The following MIS18BP1 variants were observed in gnomAD, a reference collection of about 807,000 sequenced individuals.
MIS18BP1 encodes the protein mis18-binding protein 1.
MIS18BP1 carries 72 observed loss-of-function variants against 116.1 expected under a neutral mutation model. That is an observed-to-expected ratio of 0.62 (90% confidence interval 0.51 to 0.75). The LOEUF is 0.75. Among genes scored for constraint, MIS18BP1 ranks in the 30% least tolerant of loss-of-function variants. The pLI, the probability that MIS18BP1 is intolerant of heterozygous loss-of-function variation, is 0.00. For missense variants in MIS18BP1, 1,363 were observed against 1,303.2 expected (o/e 1.05, Z -0.71); for synonymous variants, 386 against 427.0 (o/e 0.90, Z 1.18).
At chr14:45,242,703 T>A in intron 3 of MIS18BP1, 58 bp downstream of exon 3, 1 of 1,502,388 alleles carries the variant, frequency 6.7e-7, no homozygotes, top group Non-Finnish European at 9.1e-7. Flanking sequence ...AGTAATTACC[T>A]AGAACATTTA....
In MIS18BP1 at chr14:45,242,143, G is replaced by C. The variant is rs563064940; in HGVS notation, c.1034C>G (p.Ala345Gly). 15 of 1,613,972 alleles carry C rather than the reference G, an allele frequency of 9.3e-6. No individual in the cohort carries two copies. In the South Asian group the frequency reaches 1.6e-4, roughly 18 times the overall value. Residue 345 changes from alanine (A) to glycine (G), a missense_variant, in exon 4 of 17, where the codon GCA becomes GGA. Coordinates refer to ENST00000310806, the MANE Select transcript of MIS18BP1 (RefSeq NM_018353.5). ...SMKDTCKIVL[A>G]TPRLHITIPR... ...TATTGTTATATGAAGTCTTGGTGTT[G>C]CAAGTACAATTTTACATGTATCTTT...
intron 7 of MIS18BP1, chr14:45,232,435 A>C (rs79621680): frequency 1.2e-5 from 3 of 244,518 alleles, no homozygotes; most frequent in Non-Finnish European, 2.4e-5. Flanking sequence ...AAAAAAAAAA[A>C]AAACAACAAC....
intron 4 of MIS18BP1, among the ~76,000 whole-genome samples, chr14:45,240,972 G>A (rs145553437): frequency 0.01 from 1,589 of 152,202 alleles, 17 homozygotes; most frequent in Admixed American, 0.015. Flanking sequence ...GATTTCTAGC[G>A]AATATATTGA....
In MIS18BP1 at chr14:45,235,862, C is replaced by T. The variant is rs756271852; in HGVS notation, c.1300G>A (p.Val434Ile). The change falls in exon 6 of 17, where the codon GTT becomes ATT. Residue 434 changes from valine to isoleucine, a missense_variant. Physicochemically the swap from Val to Ile is conservative, Grantham distance 29 (BLOSUM62 3). Transcript: ENST00000310806. ...TCTATCATGCCTTTTAATATATAAA[C>T]GTTGCCTGATATAGTCCTAAGTTTG... The part of the protein sequence containing the change: ...HNKLRTISGN[V>I]YILKGMIDQI... The T allele has an allele frequency of 1.1e-5, 17 of 1,610,362 alleles. No homozygotes were observed. The highest frequency in any genetic ancestry group is 3.4e-5 in the Admixed American group (2 of 59,540).
intron 1 of MIS18BP1, among the ~76,000 whole-genome samples, chr14:45,252,834 A>G (rs1891916330): frequency 1.3e-5 from 2 of 152,282 alleles, no homozygotes; most frequent in Admixed American, 6.5e-5. Context: ...AATAAATTTG[A>G]GCAATCGTGT....
rs757805886 is a variant in MIS18BP1 at position 45,227,695 on chromosome 14, G to T, written c.1714C>A (p.Gln572Lys). The T allele has an allele frequency of 6.2e-7, 1 of 1,613,446 alleles. No homozygotes were observed. ...GATAAGTCATCTCCTCCTCCATTTT[G>T]AATAGTATTATTTACTTGGTCATCT... ...FPDDQVNNTI[Q>K]NGGGDDLSNQ... Residue 572 changes from glutamine to lysine, a missense_variant, in exon 9 of 17, where the codon CAA (glutamine) becomes AAA (lysine). Physicochemically the swap from Gln to Lys is moderately conservative, Grantham distance 53. Transcript: ENST00000310806.
intron 4 of MIS18BP1, among the ~76,000 whole-genome samples, chr14:45,240,738 CAA>C (rs397852811): frequency 7.1e-6 from 1 of 141,778 alleles, no homozygotes. Flanking sequence ...GAGAATAATC[CAA>C]AAAAAAAAAA....
intron 2 of MIS18BP1, 146 bp downstream of exon 2, chr14:45,246,597 G>T: frequency 3.6e-6 from 2 of 556,904 alleles, no homozygotes; most frequent in Non-Finnish European, 5.7e-6. Flanking sequence ...TGTTAATTAT[G>T]TCTTCCCACC....
chr14:45,215,638 C>G (rs994865189), intron 13 of MIS18BP1, among the ~76,000 whole-genome samples: 1 of 151,644 alleles, frequency 6.6e-6, no homozygotes, highest in African/African-American at 2.4e-5. Context: ...GTCTCGATCT[C>G]CTGACCTCAT....
chr14:45,242,627 C>T, intron 3 of MIS18BP1, 109 bp from the exon 4 acceptor site: 1 of 1,462,706 alleles, frequency 6.8e-7, no homozygotes, highest in Non-Finnish European at 9.1e-7. Context: ...CCCAGTCTTT[C>T]TCTGAGTGTC....
At chr14:45,232,573 T>A in intron 7 of MIS18BP1, 160 bp downstream of exon 7, 1 of 606,778 alleles carries the variant, frequency 1.6e-6, no homozygotes, top group Non-Finnish European at 3.1e-6. Context: ...GACAGGCGGA[T>A]CACTTGTAGC....
intron 11 of MIS18BP1, among the ~76,000 whole-genome samples, chr14:45,223,142 G>A (rs1891020173): frequency 6.6e-6 from 1 of 152,194 alleles, no homozygotes; most frequent in Admixed American, 6.5e-5. Context: ...TACTGTTTCT[G>A]AGTGTCAGAA....
chr14:45,235,280 G>T (rs1468420169), intron 6 of MIS18BP1, among the ~76,000 whole-genome samples: 2 of 150,684 alleles, frequency 1.3e-5, no homozygotes, highest in Non-Finnish European at 2.9e-5. Context: ...TGTGGATCCT[G>T]TGCATGAAAA....
At position 45,223,937 on chromosome 14, in the gene MIS18BP1, C is replaced by T. The variant is rs139135374; in HGVS notation, c.2650G>A (p.Glu884Lys). 1 of 1,582,716 alleles carries T rather than the reference C, an allele frequency of 6.3e-7. No homozygotes were observed. Among genetic ancestry groups the T allele is most frequent in the African/African-American group, 1.4e-5 (1 of 73,106 alleles). The stretch of plus-strand genomic sequence containing the variant: ...ACTTACCAATGAAGTTTCTGTAACT[C>T]CTTCTCATTCCATTCCTTATCCTGA... ...LIQDKEWNEKELQKLHCAFAS... is the reference protein window; with the variant it reads ...LIQDKEWNEKKLQKLHCAFAS... The change falls in exon 11 of 17, where the codon GAG becomes AAG. Residue 884 changes from glutamate to lysine, a missense_variant. Coordinates refer to ENST00000310806, the MANE Select transcript of MIS18BP1 (RefSeq NM_018353.5).
At chr14:45,231,073 C>T (rs1891260092) in intron 8 of MIS18BP1, 68 bp downstream of exon 8, 1 of 1,509,394 alleles carries the variant, frequency 6.6e-7, no homozygotes, top group Non-Finnish European at 9.0e-7. Flanking sequence ...ACATTATAAA[C>T]CATAAACAAT....
rs1229280902 is a variant in MIS18BP1 at position 45,226,792 on chromosome 14, T to C, written c.1791A>G (p.Leu597=). The C allele has an allele frequency of 4.2e-6, 6 of 1,416,422 alleles. No individual in the cohort carries two copies. Among genetic ancestry groups the C allele is most frequent in the Non-Finnish European group, 5.6e-6 (6 of 1,063,234 alleles). 87.7% of individuals were successfully genotyped at this position (1,416,422 alleles called of 1,614,324 possible). ...KKEYKMSSKK[L]KIGERTNERI... is the part of the protein sequence containing the mutation. ...TTTCATTTGTTCTTTCACCAATTTT[T>C]AGTTTCTTTGAAGACATTTTATATT... The change falls in exon 10 of 17, where the codon CTA becomes CTG. Residue 597 remains leucine (L), a synonymous_variant. Transcript: ENST00000310806.
chr14:45,214,530 C>CCG (rs1264658230), intron 13 of MIS18BP1, among the ~76,000 whole-genome samples: 1 of 152,096 alleles, frequency 6.6e-6, no homozygotes, highest in Non-Finnish European at 1.5e-5. Flanking sequence ...ACCAGGGGCG[C>CCG]CGCCCGGGGC....
At chr14:45,251,741 A>G (rs910094499) in intron 1 of MIS18BP1, among the ~76,000 whole-genome samples, 4 of 152,252 alleles carry the variant, frequency 2.6e-5, no homozygotes, top group South Asian at 2.1e-4. Context: ...ATGGGACATG[A>G]AAGGTGATTA....
chr14:45,251,404 T>A (rs1300571128), intron 1 of MIS18BP1, among the ~76,000 whole-genome samples: 2 of 152,108 alleles, frequency 1.3e-5, no homozygotes, highest in Non-Finnish European at 2.9e-5. Flanking sequence ...GTGACATATA[T>A]AAATACAGAA....
Sources: gnomAD v4.1 joint callset for allele counts (sites outside exome capture counted in the v4.1 genomes callset) on GRCh38, gnomAD v4.1.1 for gene constraint, MANE v1.5 for transcripts, NCBI Gene and HGNC (gene_info 2026-07-23, HGNC 2026-07-21) for gene names.